TP53INP1: variants seen among roughly 807,000 people sequenced by gnomAD.
TP53INP1 encodes the protein tumor protein p53 inducible nuclear protein 1.
A neutral mutation model predicts 21.0 loss-of-function variants in TP53INP1; 12 were observed. That is an observed-to-expected ratio of 0.57 (90% CI 0.37 to 0.93). TP53INP1 has a LOEUF of 0.93. TP53INP1 is among the 40% of genes least tolerant of loss of function. The pLI is 0.01. For missense variants in TP53INP1, 274 were observed against 294.7 expected (o/e 0.93, Z 0.51); for synonymous variants, 91 against 94.8 (o/e 0.96, Z 0.23).
At chr8:94,941,316 GAA>G (rs1000232876) in intron 1 of TP53INP1, among the ~76,000 whole-genome samples, 1 of 152,090 alleles carries the variant, frequency 6.6e-6, no homozygotes, top group Non-Finnish European at 1.5e-5. Context: ...AAATAAAAGG[GAA>G]AGAGTTGGTT....
At chr8:94,941,176 G>A in intron 1 of TP53INP1, 85 bp from the exon 2 acceptor site, 2 of 383,066 alleles carry the variant, frequency 5.2e-6, no homozygotes, top group Non-Finnish European at 9.3e-6. Context: ...CATACCCTTA[G>A]AAGAAAGCAT....
intron 3 of TP53INP1, among the ~76,000 whole-genome samples, chr8:94,937,440 CA>C (rs1173351669): frequency 3.2e-3 from 298 of 93,640 alleles, no homozygotes; most frequent in East Asian, 6.1e-3. Flanking sequence ...GACTCCATCT[CA>C]AAAAAAAAAA....
chr8:94,934,042 A>ACT (rs1184208155), intron 3 of TP53INP1, among the ~76,000 whole-genome samples: 7 of 151,478 alleles, frequency 4.6e-5, no homozygotes, highest in Non-Finnish European at 1.0e-4. Context: ...GCAACATTGT[A>ACT]CTCCAGCCTG....
intron 3 of TP53INP1, among the ~76,000 whole-genome samples, chr8:94,932,908 G>A (rs968839593): frequency 2.0e-5 from 3 of 152,128 alleles, no homozygotes; most frequent in African/African-American, 4.8e-5. Flanking sequence ...TGTACAAAAA[G>A]GATTCACATA....
chr8:94,931,989 C>T, intron 3 of TP53INP1: 4 of 1,399,488 alleles, frequency 2.9e-6, no homozygotes, highest in Non-Finnish European at 3.9e-6. Context: ...GAAAGAAAGT[C>T]ATTTTTAAAA....
rs1821460265 is a variant in TP53INP1, at chr8:94,940,841, A to G, written c.101T>C (p.Val34Ala). The part of the protein sequence containing the change: ...NEKEDDEWIL[V>A]DFIDTCTGFS... ...CAAGTGTACCTTACCTATGAAGTCA[A>G]CAAGAATCCATTCATCATCTTCTTT... The change falls in exon 2 of 4, where the codon GTT becomes GCT. Residue 34 changes from valine to alanine, a missense_variant. Coordinates refer to ENST00000342697, the MANE Select transcript of TP53INP1 (RefSeq NM_033285.4). 1 of 1,612,594 alleles carries G rather than the reference A, an allele frequency of 6.2e-7. No individual in the cohort carries two copies. Among genetic ancestry groups the G allele is most frequent in the Admixed American group, 1.7e-5 (1 of 59,814 alleles).
chr8:94,940,993 C>G lies in TP53INP1; in HGVS notation c.-52G>C, dbSNP rs759414700. 1 of 1,425,346 alleles carries G rather than the reference C, an allele frequency of 7.0e-7. No individual in the cohort carries two copies. Among genetic ancestry groups the G allele is most frequent in the African/African-American group, 1.4e-5 (1 of 70,250 alleles). The allele number at this position is 1,425,346 out of a possible 1,614,324, so 88.3% of individuals were successfully genotyped here. The stretch of plus-strand genomic sequence containing the variant: ...TGGATGTCTTTTATAGCTGAGATTT[C>G]AAAACCTTGTCTTTAGTTGGCCCAA... On this transcript the variant is annotated 5_prime_UTR_variant, in exon 2 of 4. Coordinates refer to ENST00000342697, the MANE Select transcript of TP53INP1 (RefSeq NM_033285.4).
rs527728622 is a variant in TP53INP1, at chr8:94,930,574, G to A, written c.628C>T (p.Arg210Cys). The change falls in exon 4 of 4, where the codon CGT becomes TGT. Residue 210 changes from arginine to cysteine, a missense_variant. Transcript: ENST00000342697. ...CAATCCCTGGTAAGATTTTGGCGAC[G>A]AAGGCTATTTCTGTTAAGAGGCTGT... ...ERQPLNRNSL[R>C]RQNLTRDCHP... The A allele has an allele frequency of 5.0e-6, 8 of 1,614,206 alleles. No individual in the cohort carries two copies. The highest frequency in any genetic ancestry group is 3.3e-5 in the Admixed American group (2 of 60,028).
At position 94,930,385 on chromosome 8, in the gene TP53INP1, G is replaced by T; in HGVS notation, c.*94C>A. 1 of 1,501,012 alleles carries T rather than the reference G, an allele frequency of 6.7e-7. No individual in the cohort carries two copies. The highest frequency in any genetic ancestry group is 1.3e-5 in the South Asian group (1 of 77,856). 93.0% of individuals were successfully genotyped at this position (1,501,012 alleles called of 1,614,324 possible). ...AAAACTATGTGATTGGTTATCAATT[G>T]GTTGTAAAGAGACAACATTTTCACT... On this transcript the variant is annotated 3_prime_UTR_variant, in exon 4 of 4. Transcript: ENST00000342697.
At chr8:94,938,224 C>T (rs1303190911) in intron 3 of TP53INP1, among the ~76,000 whole-genome samples, 1 of 152,192 alleles carries the variant, frequency 6.6e-6, no homozygotes, top group Non-Finnish European at 1.5e-5. Flanking sequence ...AGTGGCCTCA[C>T]CCTGGGAGAC....
chr8:94,927,420 C>G lies in TP53INP1; in HGVS notation c.*3059G>C, dbSNP rs555773421. ...ATAAACTGTCTTCTCACTCAAAGTACTGATACAACAGAGAAGGTATGTAAA... is the reference window on the plus strand; with the variant it reads ...ATAAACTGTCTTCTCACTCAAAGTAGTGATACAACAGAGAAGGTATGTAAA... On this transcript the variant is annotated 3_prime_UTR_variant, in exon 4 of 4. Transcript: ENST00000342697. 8 of 152,232 alleles carry G rather than the reference C, an allele frequency of 5.3e-5. No individual in the cohort carries two copies. Among genetic ancestry groups the G allele is most frequent in the South Asian group, 4.2e-4 (2 of 4,816 alleles). 9.4% of individuals were successfully genotyped at this position (152,232 alleles called of 1,614,324 possible).
chr8:94,945,734 A>G (rs1255236241), intron 1 of TP53INP1: 1 of 152,290 alleles, frequency 6.6e-6, no homozygotes, highest in African/African-American at 2.4e-5. Flanking sequence ...CATGTGTCCT[A>G]AGAGGACAAA....
chr8:94,934,422 G>C (rs1429989362), intron 3 of TP53INP1, among the ~76,000 whole-genome samples: 2 of 146,490 alleles, frequency 1.4e-5, no homozygotes, highest in Admixed American at 6.9e-5. Flanking sequence ...GCCTTGCTTT[G>C]TCACCCAGGC....
Position 94,926,406 on chromosome 8 carries a change from AAAC to A in TP53INP1, c.*4070_*4072del, listed in dbSNP as rs1819897321. The A allele has an allele frequency of 9.5e-6, 1 of 105,420 alleles. No individual in the cohort carries two copies. The highest frequency in any genetic ancestry group is 3.6e-5 in the African/African-American group (1 of 27,420). The allele number at this position is 105,420 out of a possible 1,614,324, so 6.5% of individuals were successfully genotyped here. ...GTTCACAATTTTACTTGAGAAAAAA[AAAC>A]AAAGCCACTTAAAAAAAAAAAAAAC... is the stretch of plus-strand genomic sequence containing the variant. On this transcript the variant is annotated 3_prime_UTR_variant, in exon 4 of 4. Coordinates refer to ENST00000342697, the MANE Select transcript of TP53INP1 (RefSeq NM_033285.4).
In TP53INP1 at chr8:94,927,601, A is replaced by G. The variant is rs1053327902; in HGVS notation, c.*2878T>C. ...ATATAAATGCATTGCCACAGAAGAT[A>G]AATAATGGATGGCTAATTTTCACCT... On this transcript the variant is annotated 3_prime_UTR_variant, in exon 4 of 4. Coordinates refer to ENST00000342697, the MANE Select transcript of TP53INP1 (RefSeq NM_033285.4). The G allele has an allele frequency of 6.6e-6, 1 of 152,230 alleles. No homozygotes were observed. The highest frequency in any genetic ancestry group is 1.5e-5 in the Non-Finnish European group (1 of 68,028). The allele number at this position is 152,230 out of a possible 1,614,324, so 9.4% of individuals were successfully genotyped here. A position where few individuals can be genotyped will look rare whatever the true frequency, so the allele number is the denominator to read the frequency against.
At chr8:94,931,376 G>A (rs970963872) in intron 3 of TP53INP1, among the ~76,000 whole-genome samples, 5 of 151,978 alleles carry the variant, frequency 3.3e-5, no homozygotes, top group African/African-American at 9.7e-5. Flanking sequence ...GTATTTACAT[G>A]GCAATATAAG....
intron 3 of TP53INP1, among the ~76,000 whole-genome samples, chr8:94,935,166 T>TAGATAGAC (rs1820857169): frequency 6.6e-6 from 1 of 151,304 alleles, no homozygotes; most frequent in Non-Finnish European, 1.5e-5. Flanking sequence ...GATAGATAGA[T>TAGATAGAC]AGATAGATAT....
chr8:94,940,243 G>A (rs1358617883), intron 2 of TP53INP1, 23 bp from the exon 3 acceptor site: 1 of 1,577,160 alleles, frequency 6.3e-7, no homozygotes, highest in Non-Finnish European at 8.6e-7. Flanking sequence ...CCACATTGCA[G>A]TCCACATGTG....
chr8:94,932,076 C>T, intron 3 of TP53INP1: 1 of 1,609,930 alleles, frequency 6.2e-7, no homozygotes, highest in Non-Finnish European at 8.5e-7. Context: ...TTACTCTGTG[C>T]CCGTGAGTCT....
Sources: gnomAD v4.1 joint callset for allele counts (sites outside exome capture counted in the v4.1 genomes callset) on GRCh38, gnomAD v4.1.1 for gene constraint, MANE v1.5 for transcripts, NCBI Gene and HGNC (gene_info 2026-07-23, HGNC 2026-07-21) for gene names.